The following S100Z variants were observed in gnomAD, a reference collection of about 807,000 sequenced individuals.
S100Z encodes the protein protein S100-Z.
In S100Z, 11 loss-of-function variants were observed where a neutral mutation model predicts 8.5. The ratio of observed to expected loss-of-function variants is 1.30; its 90% CI spans 0.82 to 2.15. The LOEUF (loss-of-function observed/expected upper bound fraction) is 2.15. Ranked by LOEUF, S100Z falls within the 30% of genes most tolerant of loss-of-function variation. The pLI is 0.00. For synonymous variants in S100Z, 34 were observed against 43.8 expected (o/e 0.78, Z 0.89); for missense variants, 126 against 117.9 (o/e 1.07, Z -0.32).
chr5:76,913,414 A>G (rs982254525), intron 4 of S100Z, among the ~76,000 whole-genome samples: 2 of 152,246 alleles, frequency 1.3e-5, no homozygotes, highest in Non-Finnish European at 2.9e-5. Flanking sequence ...TTGCCTAATG[A>G]TATGTCTGCT....
At chr5:76,913,038 A>G (rs1478702652) in intron 4 of S100Z, among the ~76,000 whole-genome samples, 1 of 152,194 alleles carries the variant, frequency 6.6e-6, no homozygotes, top group Non-Finnish European at 1.5e-5. Context: ...TAAAGAAAAA[A>G]CGTATACCCT....
Position 76,916,542 on chromosome 5 carries a change from A to T in S100Z, c.*3-4175A>T, listed in dbSNP as rs115280244. Among the ~76,000 whole-genome samples, 1,448 of 152,136 alleles carry T rather than the reference A, an allele frequency of 9.5e-3. 20 individuals are homozygous for T. Among genetic ancestry groups the T allele is most frequent in the African/African-American group, 0.032 (1,343 of 41,494 alleles). ...GACCATGTCCTAGGCCAAAAAAAAAAAAAAAAACCTTGAAAAATTAATACC... is the reference window on the plus strand; with the variant it reads ...GACCATGTCCTAGGCCAAAAAAAAATAAAAAAACCTTGAAAAATTAATACC... On this transcript the variant is annotated intron_variant, in intron 4 of 4. Coordinates refer to ENST00000317593, the MANE Select transcript of S100Z (RefSeq NM_130772.4).
rs376078244 is a variant in S100Z at position 76,912,910 on chromosome 5, CAG to C, written c.*3-7803_*3-7802del. ...AGAGAGAGAGAGAGAGGAGAAGAGACAGAGACAAATAGGGAGTCAGAGAGACA... is the reference window on the plus strand; with the variant it reads ...AGAGAGAGAGAGAGAGGAGAAGAGACAGACAAATAGGGAGTCAGAGAGACA... On this transcript the variant is annotated intron_variant, in intron 4 of 4. Transcript: ENST00000317593. 4.7e-3 allele frequency among the ~76,000 whole-genome samples: 692 copies of C among 148,778 alleles called. 6 individuals are homozygous for C. The highest frequency in any genetic ancestry group is 0.016 in the African/African-American group (644 of 40,136).
chr5:76,881,929 T>G (rs913108046), intron 4 of S100Z, among the ~76,000 whole-genome samples: 4 of 151,642 alleles, frequency 2.6e-5, no homozygotes, highest in African/African-American at 9.7e-5. Flanking sequence ...TTGAGAAGAG[T>G]TTTTATTAAA....
chr5:76,902,914 G>A (rs755156840), intron 4 of S100Z, among the ~76,000 whole-genome samples: 3 of 152,166 alleles, frequency 2.0e-5, no homozygotes, highest in Admixed American at 6.5e-5. Flanking sequence ...GGCTGGGCAC[G>A]GTGGCTTACA....
At chr5:76,878,770 G>T (rs1228859058) in intron 4 of S100Z, among the ~76,000 whole-genome samples, 1 of 152,136 alleles carries the variant, frequency 6.6e-6, no homozygotes, top group African/African-American at 2.4e-5. Flanking sequence ...CTGTGGTCTG[G>T]GTAAGAGATG....
At chr5:76,919,566 TTCTC>T (rs1406784776) in intron 4 of S100Z, among the ~76,000 whole-genome samples, 11 of 70,458 alleles carry the variant, frequency 1.6e-4, no homozygotes, top group Non-Finnish European at 3.2e-4. Context: ...CTTCCTTCCT[TTCTC>T]TCTCTCTCTC....
chr5:76,898,048 C>T (rs1221600121), intron 4 of S100Z, among the ~76,000 whole-genome samples: 1 of 152,168 alleles, frequency 6.6e-6, no homozygotes, highest in African/African-American at 2.4e-5. Flanking sequence ...ACTGGGCATC[C>T]TTGTTGTATC....
At chr5:76,878,925 C>A (rs377011848) in intron 4 of S100Z, among the ~76,000 whole-genome samples, 2 of 152,194 alleles carry the variant, frequency 1.3e-5, no homozygotes, top group African/African-American at 4.8e-5. Flanking sequence ...GATGACAAAA[C>A]AACCGTTGCT....
In S100Z at chr5:76,905,832, TTTTG is replaced by T. The variant is rs1580055209; in HGVS notation, c.*3-14872_*3-14869del. ...TCACAGTACTTTACAAATAATAACT[TTTTG>T]TTTGTTTGTTTGAGACAGGATATCA... On this transcript the variant is annotated intron_variant, in intron 4 of 4. Transcript: ENST00000317593. 7.2e-5 allele frequency among the ~76,000 whole-genome samples: 11 copies of T among 152,274 alleles called. No individual in the cohort carries two copies. In the South Asian group the frequency reaches 1.4e-3, roughly 20 times the overall value.
At chr5:76,861,254 C>G (rs1288349832) in intron 1 of S100Z, among the ~76,000 whole-genome samples, 1 of 152,118 alleles carries the variant, frequency 6.6e-6, no homozygotes, top group Non-Finnish European at 1.5e-5. Flanking sequence ...CTGTAGATCT[C>G]TCCGTAGGAC....
chr5:76,862,526 C>T (rs1003498233), intron 1 of S100Z, among the ~76,000 whole-genome samples: 8 of 151,292 alleles, frequency 5.3e-5, no homozygotes, highest in South Asian at 4.3e-4. Context: ...CCACCAGGTG[C>T]GGTGGCTCAC....
At chr5:76,922,219 A>G (rs1446085786), downstream of S100Z, among the ~76,000 whole-genome samples, 1 of 152,130 alleles carries the variant, frequency 6.6e-6, no homozygotes, top group Admixed American at 6.5e-5. Context: ...TGTCTAACCA[A>G]GAAAGCTTTT....
the S100Z span, among the ~76,000 whole-genome samples, chr5:76,943,383 C>CT: frequency 6.6e-6 from 1 of 152,164 alleles, no homozygotes; most frequent in South Asian, 2.1e-4. Context: ...AGGCATTTTG[C>CT]TTTTTTTCTA....
intron 4 of S100Z, among the ~76,000 whole-genome samples, chr5:76,888,959 CAT>C (rs755905130): frequency 7.2e-5 from 11 of 152,212 alleles, no homozygotes; most frequent in Non-Finnish European, 1.0e-4. Flanking sequence ...GCCACCCCCA[CAT>C]GTCCCCATGT....
chr5:76,935,845 C>T, the S100Z span, among the ~76,000 whole-genome samples: 6 of 151,478 alleles, frequency 4.0e-5, no homozygotes, highest in Admixed American at 2.6e-4. Flanking sequence ...GGCATGATCT[C>T]GGCTCACTGC....
chr5:76,879,340 A>G (rs1030272247), intron 4 of S100Z, among the ~76,000 whole-genome samples: 32 of 152,258 alleles, frequency 2.1e-4, no homozygotes, highest in African/African-American at 6.0e-4. Flanking sequence ...TGGTCCTCTC[A>G]TTATGTGGGG....
At chr5:76,875,647 C>T in intron 3 of S100Z, 147 bp downstream of exon 3, 2 of 701,596 alleles carry the variant, frequency 2.9e-6, no homozygotes, top group East Asian at 5.6e-5. Context: ...GGGAAGCAAA[C>T]ACTGGAGACG....
At chr5:76,906,073 C>T (rs575897042) in intron 4 of S100Z, among the ~76,000 whole-genome samples, 16 of 152,228 alleles carry the variant, frequency 1.1e-4, no homozygotes, top group Admixed American at 3.3e-4. Flanking sequence ...CAAGCAATTC[C>T]CCTGCCTTGG....
Sources: allele counts gnomAD v4.1 joint callset (sites outside exome capture counted in the v4.1 genomes callset), GRCh38; gene constraint gnomAD v4.1.1; transcripts MANE v1.5; gene names NCBI Gene and HGNC (gene_info 2026-07-23, HGNC 2026-07-21).